The following QKI variants were observed in gnomAD, a reference collection of about 807,000 sequenced individuals.
QKI encodes KH domain-containing RNA-binding protein QKI.
In QKI, 10 loss-of-function variants were observed where a neutral mutation model predicts 39.0. That is an observed-to-expected ratio of 0.26 (90% CI 0.16 to 0.43). QKI has a LOEUF of 0.43. Ranked by LOEUF, QKI falls within the 20% of genes least tolerant of loss-of-function variation. The pLI is 1.00. For missense variants in QKI, 218 were observed against 428.0 expected (o/e 0.51, Z 4.33); for synonymous variants, 204 against 155.4 (o/e 1.31, Z -2.33).
rs149351408 is a variant in QKI, at chr6:163,511,359, T to C, written c.403-23623T>C. On this transcript the variant is annotated intron_variant, in intron 3 of 7. Coordinates refer to ENST00000361752, the MANE Select transcript of QKI (RefSeq NM_006775.3). Reference sequence around the variant, plus strand: ...CCCAAGGTAATGTAAAAAAAGGAAATAATAATAAATTCTTGAAATAGAATA... The same window carrying C: ...CCCAAGGTAATGTAAAAAAAGGAAACAATAATAAATTCTTGAAATAGAATA... Among the ~76,000 whole-genome samples, 26 of 151,954 alleles carry C rather than the reference T, an allele frequency of 1.7e-4. 1 individual carries two copies. In the East Asian group the frequency reaches 4.8e-3, roughly 28 times the overall value.
chr6:163,550,013 A>G (rs908348911), intron 4 of QKI, among the ~76,000 whole-genome samples: 1 of 152,254 alleles, frequency 6.6e-6, no homozygotes, highest in Non-Finnish European at 1.5e-5. Flanking sequence ...TTGACCGTGC[A>G]GTCAAATCCA....
At chr6:163,497,338 A>G (rs1275681592) in intron 3 of QKI, among the ~76,000 whole-genome samples, 1 of 152,108 alleles carries the variant, frequency 6.6e-6, no homozygotes, top group Non-Finnish European at 1.5e-5. Flanking sequence ...CTCTTTATCA[A>G]TTATTTTGCT....
chr6:163,464,633 T>A (rs772718978), intron 2 of QKI, among the ~76,000 whole-genome samples: 7 of 151,972 alleles, frequency 4.6e-5, no homozygotes, highest in African/African-American at 1.7e-4. Flanking sequence ...CAGGACCACA[T>A]CATGAAGGAA....
At chr6:163,510,481 A>C (rs1779380014) in intron 3 of QKI, among the ~76,000 whole-genome samples, 1 of 151,438 alleles carries the variant, frequency 6.6e-6, no homozygotes, top group Non-Finnish European at 1.5e-5. Context: ...GAATTGCTTC[A>C]ACTCGGGAGG....
chr6:163,474,049 G>A lies in QKI; in HGVS notation c.286-4731G>A, dbSNP rs190747764. On this transcript the variant is annotated intron_variant, in intron 2 of 7. Transcript: ENST00000361752. Reference sequence around the variant, plus strand: ...TTGAAGTTGAAGTTGGTTAACATTTGCAGTTGAAATCCACTGCAATAACAG... The same window carrying A: ...TTGAAGTTGAAGTTGGTTAACATTTACAGTTGAAATCCACTGCAATAACAG... Among the ~76,000 whole-genome samples the A allele has an allele frequency of 1.6e-3, 238 of 152,294 alleles. 2 individuals are homozygous for A. Among genetic ancestry groups the A allele is most frequent in the African/African-American group, 5.5e-3 (230 of 41,562 alleles).
intron 4 of QKI, among the ~76,000 whole-genome samples, chr6:163,559,871 C>T (rs918688869): frequency 6.6e-6 from 1 of 152,142 alleles, no homozygotes; most frequent in Non-Finnish European, 1.5e-5. Context: ...CAGAGAGGAA[C>T]AAGACTATGT....
At chr6:163,434,166 T>G (rs1444335194) in intron 1 of QKI, among the ~76,000 whole-genome samples, 1 of 152,004 alleles carries the variant, frequency 6.6e-6, no homozygotes, top group South Asian at 2.1e-4. Flanking sequence ...CACAATGGCA[T>G]GGAGAGTAAT....
rs1459193488 is a variant in QKI, at chr6:163,573,534, AAG to A, written c.*2826_*2827del. 1.3e-5 allele frequency: 2 copies of A among 152,206 alleles called. No homozygotes were observed. The highest frequency in any genetic ancestry group is 2.4e-5 in the African/African-American group (1 of 41,456). The allele number at this position is 152,206 out of a possible 1,614,324, so 9.4% of individuals were successfully genotyped here. On this transcript the variant is annotated 3_prime_UTR_variant, in exon 8 of 8. Coordinates refer to ENST00000361752, the MANE Select transcript of QKI (RefSeq NM_006775.3). ...ATATGTATGTTATATAACATTCAAA[AAG>A]AATTTTTTTCTTGATTGAGAAAAGG...
At chr6:163,520,646 A>C (rs1780094162) in intron 3 of QKI, among the ~76,000 whole-genome samples, 1 of 152,192 alleles carries the variant, frequency 6.6e-6, no homozygotes, top group Non-Finnish European at 1.5e-5. Flanking sequence ...CCTATGTCCA[A>C]ATCATGCTGG....
At chr6:163,559,984 T>A (rs956105786) in intron 4 of QKI, among the ~76,000 whole-genome samples, 3 of 152,146 alleles carry the variant, frequency 2.0e-5, no homozygotes, top group East Asian at 1.9e-4. Context: ...GTTAGTTCTA[T>A]CTCTACACAG....
chr6:163,521,593 G>C (rs978871213), intron 3 of QKI, among the ~76,000 whole-genome samples: 2 of 152,084 alleles, frequency 1.3e-5, no homozygotes, highest in Admixed American at 6.6e-5. Context: ...CATGATCTCG[G>C]CTCACTGCAA....
intron 2 of QKI, among the ~76,000 whole-genome samples, chr6:163,474,787 TAAAAA>T (rs35897463): frequency 5.5e-5 from 6 of 108,632 alleles, no homozygotes; most frequent in Admixed American, 2.1e-4. Context: ...ACAAAAAAGT[TAAAAA>T]AAAAAAAAAA....
chr6:163,420,189 CCTT>C (rs1787887606), intron 1 of QKI, among the ~76,000 whole-genome samples: 2 of 53,468 alleles, frequency 3.7e-5, no homozygotes, highest in Non-Finnish European at 8.0e-5. Context: ...TTTTTTCTTT[CCTT>C]TTTTTTTTTT....
intron 1 of QKI, among the ~76,000 whole-genome samples, chr6:163,415,663 G>T (rs971790298): frequency 1.3e-5 from 2 of 151,918 alleles, no homozygotes; most frequent in Non-Finnish European, 2.9e-5. Flanking sequence ...GGTCGGCGGG[G>T]GCTGCGCGGA....
chr6:163,461,130 C>A (rs1791318965), intron 2 of QKI, among the ~76,000 whole-genome samples: 1 of 152,036 alleles, frequency 6.6e-6, no homozygotes, highest in Admixed American at 6.6e-5. Context: ...TTAGTAAAAG[C>A]CAATTTATGA....
chr6:163,560,619 GTTAC>G (rs753425393), intron 4 of QKI, among the ~76,000 whole-genome samples: 3 of 152,196 alleles, frequency 2.0e-5, no homozygotes, highest in East Asian at 1.9e-4. Context: ...GACTTAAGAT[GTTAC>G]TTACATACGT....
chr6:163,449,198 G>A (rs74450455), intron 1 of QKI, among the ~76,000 whole-genome samples: 8 of 152,124 alleles, frequency 5.3e-5, no homozygotes, highest in African/African-American at 1.4e-4. Context: ...TTAAGCTTCA[G>A]ATGAAAGCAG....
chr6:163,506,202 G>T (rs1182773712), intron 3 of QKI, among the ~76,000 whole-genome samples: 1 of 152,124 alleles, frequency 6.6e-6, no homozygotes. Context: ...CCAGTCTCAG[G>T]TGGTACCTTT....
chr6:163,521,566 A>G (rs1414470318), intron 3 of QKI, among the ~76,000 whole-genome samples: 2 of 152,202 alleles, frequency 1.3e-5, no homozygotes, highest in African/African-American at 4.8e-5. Context: ...TCTGTCGCCC[A>G]GGCTGGAGTG....
Sources: allele counts gnomAD v4.1 joint callset (sites outside exome capture counted in the v4.1 genomes callset), GRCh38; gene constraint gnomAD v4.1.1; transcripts MANE v1.5; gene names NCBI Gene and HGNC (gene_info 2026-07-23, HGNC 2026-07-21).